MACROD2: variants seen among roughly 807,000 people sequenced by gnomAD.
The protein encoded by MACROD2 is ADP-ribose glycohydrolase MACROD2.
In MACROD2, 36 loss-of-function variants were observed where a neutral mutation model predicts 70.4. The observed-to-expected ratio is 0.51, with a 90% CI of 0.39 to 0.68. MACROD2 has a LOEUF of 0.68. Ranked by LOEUF, MACROD2 falls within the 30% of genes least tolerant of loss-of-function variation. The pLI is 0.00. For synonymous variants in MACROD2, 172 were observed against 178.8 expected, an observed-to-expected ratio of 0.96 and a Z score of 0.30; for missense variants, 496 against 538.4, an observed-to-expected ratio of 0.92 and a Z score of 0.78.
chr20:14,621,032 T>TA (rs1203281664), intron 4 of MACROD2, among the ~76,000 whole-genome samples: 1 of 152,050 alleles, frequency 6.6e-6, no homozygotes, highest in Admixed American at 6.6e-5. Flanking sequence ...AGTTATGAAA[T>TA]CAAGTACAGA....
chr20:14,619,933 A>G (rs181493207), intron 4 of MACROD2, among the ~76,000 whole-genome samples: 1 of 152,294 alleles, frequency 6.6e-6, no homozygotes, highest in East Asian at 1.9e-4. Flanking sequence ...AGTGGCCATC[A>G]TGGGTGAGGG....
intron 8 of MACROD2, among the ~76,000 whole-genome samples, chr20:15,777,637 C>CCTCT (rs752086141): frequency 1.1e-4 from 10 of 90,018 alleles, no homozygotes; most frequent in African/African-American, 4.1e-4. Context: ...CTCCTTCCTT[C>CCTCT]CTCTCTCTCT....
At chr20:15,010,805 T>G (rs1482332556) in intron 5 of MACROD2, among the ~76,000 whole-genome samples, 3 of 152,188 alleles carry the variant, frequency 2.0e-5, no homozygotes, top group Admixed American at 2.0e-4. Flanking sequence ...GTGAATCTAG[T>G]GCTATATCTG....
intron 4 of MACROD2, among the ~76,000 whole-genome samples, chr20:14,546,421 T>G (rs1385248117): frequency 6.6e-6 from 1 of 152,184 alleles, no homozygotes; most frequent in Non-Finnish European, 1.5e-5. Context: ...TGGGTGATAT[T>G]TTGCTACTGT....
chr20:14,687,101 T>G (rs551311387), intron 5 of MACROD2, among the ~76,000 whole-genome samples: 2 of 152,276 alleles, frequency 1.3e-5, no homozygotes, highest in East Asian at 3.9e-4. Context: ...TTTACCTAAC[T>G]TACACTGCCC....
At chr20:14,643,136 A>G (rs1410814096) in intron 4 of MACROD2, among the ~76,000 whole-genome samples, 2 of 152,244 alleles carry the variant, frequency 1.3e-5, no homozygotes, top group African/African-American at 2.4e-5. Context: ...GCCACTTTAC[A>G]TAATTCCCTT....
At chr20:14,580,798 C>A (rs1334987679) in intron 4 of MACROD2, among the ~76,000 whole-genome samples, 1 of 152,128 alleles carries the variant, frequency 6.6e-6, no homozygotes, top group Non-Finnish European at 1.5e-5. Flanking sequence ...TTTCAGTGTT[C>A]TTTTACTGTG....
intron 4 of MACROD2, among the ~76,000 whole-genome samples, chr20:14,682,870 C>G (rs2070950941): frequency 6.6e-6 from 1 of 151,952 alleles, no homozygotes; most frequent in African/African-American, 2.4e-5. Context: ...AGAGAAAAAA[C>G]TTTATTTTTA....
intron 6 of MACROD2, among the ~76,000 whole-genome samples, chr20:15,298,625 T>C (rs375969416): frequency 6.6e-6 from 1 of 152,250 alleles, no homozygotes; most frequent in Non-Finnish European, 1.5e-5. Context: ...AACTAGTGTG[T>C]GTTTGTATTT....
At chr20:14,174,790 A>G (rs1426029068) in intron 3 of MACROD2, among the ~76,000 whole-genome samples, 1 of 152,138 alleles carries the variant, frequency 6.6e-6, no homozygotes, top group African/African-American at 2.4e-5. Flanking sequence ...AGCCCTTCCC[A>G]TGGACCCCTG....
intron 2 of MACROD2, among the ~76,000 whole-genome samples, chr20:14,077,839 C>T (rs1359877581): frequency 6.7e-6 from 1 of 149,106 alleles, no homozygotes; most frequent in Non-Finnish European, 1.5e-5. Context: ...GTTAAAGCAA[C>T]AAAGTTTTCT....
At chr20:14,928,772 A>AT (rs1167072966) in intron 5 of MACROD2, among the ~76,000 whole-genome samples, 1 of 152,196 alleles carries the variant, frequency 6.6e-6, no homozygotes, top group African/African-American at 2.4e-5. Context: ...CCCAACCCAC[A>AT]TCTTCTCAAA....
At chr20:15,431,255 C>G (rs1377504074) in intron 6 of MACROD2, 150 bp from the exon 7 acceptor site, 1 of 564,196 alleles carries the variant, frequency 1.8e-6, no homozygotes, top group Non-Finnish European at 3.1e-6. Flanking sequence ...ATCAAATATC[C>G]CCATTTCCAG....
rs537151508 is a variant in MACROD2 at position 14,341,668 on chromosome 20, T to C, written c.272-151811T>C. On this transcript the variant is annotated intron_variant, in intron 3 of 17. Coordinates refer to ENST00000684519, the MANE Select transcript of MACROD2 (RefSeq NM_001351661.2). ...AGAAAAGAAAAGAAAAAATAGTTCA[T>C]ACTTTTGATAGATTAAATGTCTTGG... Among the ~76,000 whole-genome samples, 70 of 152,252 alleles carry C rather than the reference T, an allele frequency of 4.6e-4. 1 individual carries two copies. Among genetic ancestry groups the C allele is most frequent in the Non-Finnish European group, 8.7e-4 (59 of 68,000 alleles).
intron 8 of MACROD2, among the ~76,000 whole-genome samples, chr20:15,742,269 T>C (rs950244514): frequency 6.6e-6 from 1 of 152,186 alleles, no homozygotes; most frequent in Non-Finnish European, 1.5e-5. Context: ...TAATTGAGTA[T>C]TTATTCTTAT....
chr20:14,129,605 G>C (rs1287732159), intron 3 of MACROD2, among the ~76,000 whole-genome samples: 3 of 152,200 alleles, frequency 2.0e-5, no homozygotes, highest in Admixed American at 2.0e-4. Flanking sequence ...TGAGTAAAAT[G>C]CTATTAAATA....
At chr20:15,206,926 C>T (rs1310334726) in intron 5 of MACROD2, among the ~76,000 whole-genome samples, 17 of 149,794 alleles carry the variant, frequency 1.1e-4, no homozygotes, top group South Asian at 2.1e-4. Flanking sequence ...TTAGTAGAGA[C>T]GGGGTTTCAC....
chr20:14,515,157 G>A (rs1248662300), intron 4 of MACROD2, among the ~76,000 whole-genome samples: 1 of 152,030 alleles, frequency 6.6e-6, no homozygotes, highest in Non-Finnish European at 1.5e-5. Flanking sequence ...GAAAGTCACT[G>A]TGTTATTTAT....
At chr20:14,726,849 A>C (rs1039625617) in intron 5 of MACROD2, among the ~76,000 whole-genome samples, 1 of 152,288 alleles carries the variant, frequency 6.6e-6, no homozygotes, top group South Asian at 2.1e-4. Context: ...ATCCCTGACT[A>C]TATGAATTAC....
Sources: gnomAD v4.1 joint callset for allele counts (sites outside exome capture counted in the v4.1 genomes callset) on GRCh38, gnomAD v4.1.1 for gene constraint, MANE v1.5 for transcripts, NCBI Gene and HGNC (gene_info 2026-07-23, HGNC 2026-07-21) for gene names.